RBFOX3: variants seen among roughly 807,000 people sequenced by gnomAD.
RBFOX3 encodes RNA binding fox-1 homolog 3, also known as RNA binding protein fox-1 homolog 3.
A neutral mutation model predicts 48.7 loss-of-function variants in RBFOX3; 17 were observed. That is an observed-to-expected ratio of 0.35 (90% CI 0.24 to 0.52). The LOEUF is 0.52. Among genes scored for constraint, RBFOX3 ranks in the 20% least tolerant of loss-of-function variants. The pLI, the probability that RBFOX3 is intolerant of heterozygous loss-of-function variation, is 0.94. For missense variants in RBFOX3, 382 were observed against 497.5 expected, an observed-to-expected ratio of 0.77 and a Z score of 2.21; for synonymous variants, 212 against 209.5, an observed-to-expected ratio of 1.01 and a Z score of -0.10.
At chr17:79,256,272 T>G (rs573242699) in intron 3 of RBFOX3, among the ~76,000 whole-genome samples, 2 of 152,186 alleles carry the variant, frequency 1.3e-5, no homozygotes, top group Non-Finnish European at 2.9e-5. Flanking sequence ...AACCGACCCT[T>G]CCTTTCTCAT....
At chr17:79,353,988 GTT>G (rs749576797) in intron 2 of RBFOX3, among the ~76,000 whole-genome samples, 77 of 152,286 alleles carry the variant, frequency 5.1e-4, no homozygotes, top group Non-Finnish European at 9.8e-4. Context: ...TCTTATTTTT[GTT>G]TTTAATAGCC....
At chr17:79,610,314 T>G (rs1476282267) in intron 1 of RBFOX3, among the ~76,000 whole-genome samples, 3 of 151,502 alleles carry the variant, frequency 2.0e-5, no homozygotes, top group African/African-American at 7.3e-5. Flanking sequence ...CACCGCCGGG[T>G]CGCCAGCCTC....
At chr17:79,090,980 C>A in intron 14 of RBFOX3, 95 bp from the exon 15 acceptor site, 1 of 1,272,640 alleles carries the variant, frequency 7.9e-7, no homozygotes, top group Non-Finnish European at 1.1e-6. Flanking sequence ...GGCCCCTGGC[C>A]TAAAGTCCTG....
At chr17:79,366,648 C>T (rs1244353901) in intron 2 of RBFOX3, among the ~76,000 whole-genome samples, 1 of 152,156 alleles carries the variant, frequency 6.6e-6, no homozygotes, top group Non-Finnish European at 1.5e-5. Context: ...GCCGCCTCGC[C>T]GCCAGCCCAG....
intron 2 of RBFOX3, among the ~76,000 whole-genome samples, chr17:79,463,105 CGCCATCGCCACT>C (rs1192864371): frequency 4.1e-5 from 6 of 148,068 alleles, no homozygotes; most frequent in East Asian, 4.2e-4. Flanking sequence ...CCACCTCCAC[CGCCATCGCCACT>C]GCCATCGCCA....
intron 1 of RBFOX3, among the ~76,000 whole-genome samples, chr17:79,525,800 A>C (rs2086721307): frequency 6.6e-6 from 1 of 152,240 alleles, no homozygotes; most frequent in South Asian, 2.1e-4. Context: ...AAAGGGATCA[A>C]AACATTTTTT....
At position 79,243,596 on chromosome 17, in the gene RBFOX3, G is replaced by A. The variant is rs984646080; in HGVS notation, c.-73-7791C>T. On this transcript the variant is annotated intron_variant, in intron 3 of 14. Transcript: ENST00000693108. The surrounding 1 kb of genome is among the most constrained non-coding windows in gnomAD (Gnocchi z 7.9). ...CAGGCACCTGGCTGCCCTCAGGTGGGAGGGTGTGGGGAAGGTGCTGGCTTT... is the reference window on the plus strand; with the variant it reads ...CAGGCACCTGGCTGCCCTCAGGTGGAAGGGTGTGGGGAAGGTGCTGGCTTT... 6.6e-6 allele frequency among the ~76,000 whole-genome samples: 1 copy of A among 152,124 alleles called. No homozygotes were observed. Among genetic ancestry groups the A allele is most frequent in the Non-Finnish European group, 1.5e-5 (1 of 68,034 alleles).
intron 2 of RBFOX3, among the ~76,000 whole-genome samples, chr17:79,334,277 C>T (rs1260486830): frequency 6.6e-6 from 1 of 152,168 alleles, no homozygotes; most frequent in Non-Finnish European, 1.5e-5. Flanking sequence ...TTCACTGGCA[C>T]CCAATGCTTC....
At chr17:79,548,211 T>C (rs548276372) in intron 1 of RBFOX3, among the ~76,000 whole-genome samples, 41 of 152,268 alleles carry the variant, frequency 2.7e-4, no homozygotes, top group African/African-American at 9.9e-4. Context: ...CAGCTCCTGC[T>C]CCGCTCCCGG....
At chr17:79,174,358 CACAG>C (rs926818790) in intron 4 of RBFOX3, among the ~76,000 whole-genome samples, 10 of 120,086 alleles carry the variant, frequency 8.3e-5, no homozygotes, top group Admixed American at 3.2e-4. Context: ...CACACGTGCA[CACAG>C]ACACATGCGC....
chr17:79,192,074 A>G (rs1374161223), intron 4 of RBFOX3, among the ~76,000 whole-genome samples: 2 of 152,112 alleles, frequency 1.3e-5, no homozygotes, highest in Non-Finnish European at 2.9e-5. Flanking sequence ...CACCCCTGCC[A>G]ACCCCCTACC....
chr17:79,341,251 CAT>C (rs1230836538), intron 2 of RBFOX3, among the ~76,000 whole-genome samples: 1 of 152,116 alleles, frequency 6.6e-6, no homozygotes, highest in Non-Finnish European at 1.5e-5. Context: ...TGTGTGTGTA[CAT>C]GTGTGTGCAC....
At chr17:79,323,765 C>A (rs2078900466) in intron 2 of RBFOX3, among the ~76,000 whole-genome samples, 1 of 152,236 alleles carries the variant, frequency 6.6e-6, no homozygotes, top group African/African-American at 2.4e-5. Flanking sequence ...GCATGTTCTG[C>A]CCGTGGCCGG....
At position 79,199,989 on chromosome 17, in the gene RBFOX3, C is replaced by T. The variant is rs761553559; in HGVS notation, c.-34+35777G>A. ...CAGCCTGGCCAACATGGTGAAACTC[C>T]GTCTCTACCAAAAGTACAAAAAAAT... On this transcript the variant is annotated intron_variant, in intron 4 of 14. Transcript: ENST00000693108. The surrounding 1 kb of genome is among the most constrained non-coding windows in gnomAD (Gnocchi z 5.1). Among the ~76,000 whole-genome samples, 2 of 152,174 alleles carry T rather than the reference C, an allele frequency of 1.3e-5. No individual in the cohort carries two copies. Among genetic ancestry groups the T allele is most frequent in the South Asian group, 2.1e-4 (1 of 4,826 alleles).
intron 1 of RBFOX3, among the ~76,000 whole-genome samples, chr17:79,538,002 T>C (rs1166902381): frequency 6.6e-6 from 1 of 152,074 alleles, no homozygotes; most frequent in Non-Finnish European, 1.5e-5. Flanking sequence ...GCAGGGGTGC[T>C]GGTGAGGGCA....
intron 4 of RBFOX3, among the ~76,000 whole-genome samples, chr17:79,136,863 C>G (rs952997866): frequency 1.3e-5 from 2 of 152,180 alleles, no homozygotes; most frequent in Non-Finnish European, 2.9e-5. Flanking sequence ...AGATAGTCAC[C>G]ACCTGGCAGG....
the RBFOX3 span, among the ~76,000 whole-genome samples, chr17:79,634,817 T>C: frequency 6.6e-6 from 1 of 151,958 alleles, no homozygotes; most frequent in Non-Finnish European, 1.5e-5. Context: ...CCCAGCACTT[T>C]GGGAGGCCGA....
At chr17:79,487,221 T>C (rs1351005395) in intron 1 of RBFOX3, among the ~76,000 whole-genome samples, 5 of 152,106 alleles carry the variant, frequency 3.3e-5, no homozygotes, top group Admixed American at 1.3e-4. Flanking sequence ...CACAGGCAGA[T>C]AGCCCAGGTG....
At chr17:79,552,661 T>C (rs888717169) in intron 1 of RBFOX3, among the ~76,000 whole-genome samples, 11 of 152,250 alleles carry the variant, frequency 7.2e-5, no homozygotes, top group African/African-American at 2.7e-4. Flanking sequence ...ATTTGCTGAC[T>C]TTAAGGCTTG....
Sources: gnomAD v4.1 joint callset for allele counts (sites outside exome capture counted in the v4.1 genomes callset) on GRCh38, gnomAD v4.1.1 for gene constraint, Gnocchi (gnomAD v3.1) non-coding constraint, MANE v1.5 for transcripts, NCBI Gene and HGNC (gene_info 2026-07-23, HGNC 2026-07-21) for gene names.